Variants in MGLL observed in about 807,000 individuals in gnomAD.
MGLL encodes the protein monoglyceride lipase, also known as lysophospholipase homolog.
In MGLL, 7 loss-of-function variants were observed where a neutral mutation model predicts 29.1. The observed-to-expected ratio is 0.24, with a 90% CI of 0.14 to 0.45. MGLL has a LOEUF of 0.45. MGLL is among the 20% of genes least tolerant of loss of function. MGLL has a pLI of 0.99. For missense variants in MGLL, 356 were observed against 413.6 expected, an observed-to-expected ratio of 0.86 and a Z score of 1.21; for synonymous variants, 148 against 168.3, an observed-to-expected ratio of 0.88 and a Z score of 0.93.
intron 3 of MGLL, among the ~76,000 whole-genome samples, chr3:127,760,532 C>A (rs942938170): frequency 2.6e-5 from 4 of 152,222 alleles, no homozygotes; most frequent in Non-Finnish European, 4.4e-5. Context: ...TCTAGCAGAG[C>A]CTTGGCAGGA....
chr3:127,810,986 C>T (rs1296023155), intron 2 of MGLL, among the ~76,000 whole-genome samples: 1 of 149,326 alleles, frequency 6.7e-6, no homozygotes, highest in Non-Finnish European at 1.5e-5. Flanking sequence ...GGTGAAAGTA[C>T]AGCCATCCAG....
intron 2 of MGLL, among the ~76,000 whole-genome samples, chr3:127,811,943 C>T (rs1036054030): frequency 3.3e-5 from 5 of 152,236 alleles, no homozygotes; most frequent in East Asian, 1.9e-4. Flanking sequence ...GCACTAATTG[C>T]GAACCCACAG....
chr3:127,740,805 G>A (rs145753464), intron 3 of MGLL, among the ~76,000 whole-genome samples: 20 of 152,376 alleles, frequency 1.3e-4, no homozygotes, highest in African/African-American at 2.6e-4. Flanking sequence ...CGTAGTGTGG[G>A]GACCTCCCAG....
At chr3:127,732,176 GC>G (rs1388309836) in intron 3 of MGLL, among the ~76,000 whole-genome samples, 2 of 152,186 alleles carry the variant, frequency 1.3e-5, no homozygotes, top group African/African-American at 4.8e-5. Context: ...ATAAAAAATA[GC>G]TTTGCGTAAG....
intron 2 of MGLL, among the ~76,000 whole-genome samples, chr3:127,797,095 G>T (rs1379758272): frequency 6.6e-6 from 1 of 152,136 alleles, no homozygotes; most frequent in East Asian, 1.9e-4. Flanking sequence ...GGAGAAGCCT[G>T]TGATGCTGTG....
chr3:127,726,338 A>G lies in MGLL; in HGVS notation c.263-3772T>C, dbSNP rs76009081. On this transcript the variant is annotated intron_variant, in intron 3 of 7. Transcript: ENST00000265052. ...AAAGAAAGAGAAAGAAAGAAAGAGG[A>G]AAGAAAGAAAGAAGGAAAAGAATGA... 0.018 allele frequency among the ~76,000 whole-genome samples: 2,700 copies of G among 151,742 alleles called. 195 individuals are homozygous for G. The East Asian group carries it at 0.26, about 15-fold the overall frequency.
At chr3:127,776,557 C>T (rs2077040045) in intron 3 of MGLL, among the ~76,000 whole-genome samples, 1 of 152,210 alleles carries the variant, frequency 6.6e-6, no homozygotes, top group Non-Finnish European at 1.5e-5. Flanking sequence ...TGAGGATGCC[C>T]TGAGCCTGGA....
At chr3:127,710,827 C>T in intron 5 of MGLL, 162 bp from the exon 6 acceptor site, 1 of 697,324 alleles carries the variant, frequency 1.4e-6, no homozygotes, top group Non-Finnish European at 2.6e-6. Context: ...TGCCCAAGGA[C>T]TCTCCCTTCT....
At chr3:127,767,595 T>A (rs1278587508) in intron 3 of MGLL, among the ~76,000 whole-genome samples, 2 of 152,232 alleles carry the variant, frequency 1.3e-5, no homozygotes, top group African/African-American at 4.8e-5. Context: ...ATGGATTATT[T>A]AAGAAATTAG....
chr3:127,695,096 C>T lies in MGLL; in HGVS notation c.695G>A (p.Arg232His), dbSNP rs759343902. Reference sequence around the variant, plus strand: ...GGGCACAGTCAGCTTGGGGAGGGCGCGCTCCACCCGTGAGACGGCATTCAG... The same window carrying T: ...GGGCACAGTCAGCTTGGGGAGGGCGTGCTCCACCCGTGAGACGGCATTCAG... The part of the protein sequence containing the change: ...QLLNAVSRVE[R>H]ALPKLTVPFL... The change falls in exon 7 of 8, where the codon CGC (arginine) becomes CAC (histidine). Residue 232 changes from arginine to histidine, a missense_variant. Physicochemically the swap from Arg to His is conservative, Grantham distance 29. Transcript: ENST00000265052. 2.4e-5 allele frequency: 38 copies of T among 1,614,026 alleles called. No homozygotes were observed. The highest frequency in any genetic ancestry group is 4.0e-5 in the African/African-American group (3 of 74,928).
At chr3:127,790,819 A>T (rs1362966268) in intron 2 of MGLL, among the ~76,000 whole-genome samples, 1 of 152,088 alleles carries the variant, frequency 6.6e-6, no homozygotes, top group Non-Finnish European at 1.5e-5. Context: ...ACTGAAGTCC[A>T]GCCAGCCTGC....
At chr3:127,788,548 T>A (rs923761960) in intron 2 of MGLL, among the ~76,000 whole-genome samples, 1 of 152,178 alleles carries the variant, frequency 6.6e-6, no homozygotes, top group Non-Finnish European at 1.5e-5. Context: ...TCTGGTCACC[T>A]GTCCCGGCAC....
chr3:127,701,445 G>A (rs923642093), intron 6 of MGLL, among the ~76,000 whole-genome samples: 2 of 152,098 alleles, frequency 1.3e-5, no homozygotes, highest in Admixed American at 6.5e-5. Flanking sequence ...TCCCTGTCAC[G>A]CAGAGATAAG....
At chr3:127,779,856 C>T (rs13077001) in intron 3 of MGLL, among the ~76,000 whole-genome samples, 13,046 of 152,270 alleles carry the variant, frequency 0.086, 728 homozygotes, top group South Asian at 0.15. Context: ...CATCGCCAGC[C>T]TGCACAAGAT....
At chr3:127,787,324 C>T (rs1238313992) in intron 2 of MGLL, among the ~76,000 whole-genome samples, 2 of 152,208 alleles carry the variant, frequency 1.3e-5, no homozygotes, top group African/African-American at 4.8e-5. Context: ...GACTTGCTGG[C>T]CCCCTGACTG....
At position 127,761,217 on chromosome 3, in the gene MGLL, A is replaced by G. The variant is rs112733583; in HGVS notation, c.262+20572T>C. Reference sequence around the variant, plus strand: ...CCCTGTGGCCATCCGGACCCTTCGCACTATCAAGGGGCCCACCGCCTGGGA... The same window carrying G: ...CCCTGTGGCCATCCGGACCCTTCGCGCTATCAAGGGGCCCACCGCCTGGGA... On this transcript the variant is annotated intron_variant, in intron 3 of 7. Coordinates refer to ENST00000265052, the MANE Select transcript of MGLL (RefSeq NM_007283.7). This position sits in a 1 kb window ranked among gnomAD's most constrained non-coding sequence, Gnocchi z 4.6. Among the ~76,000 whole-genome samples the G allele has an allele frequency of 9.2e-3, 1,401 of 152,278 alleles. 21 individuals are homozygous for G. Among genetic ancestry groups the G allele is most frequent in the African/African-American group, 0.032 (1,334 of 41,542 alleles).
intron 3 of MGLL, among the ~76,000 whole-genome samples, chr3:127,726,200 AAG>A (rs2076040829): frequency 7.2e-6 from 1 of 139,076 alleles, no homozygotes; most frequent in African/African-American, 2.5e-5. Flanking sequence ...AAAAGAAAGA[AAG>A]AAAGACAGAA....
chr3:127,754,384 G>T (rs992581733), intron 3 of MGLL, among the ~76,000 whole-genome samples: 2 of 151,968 alleles, frequency 1.3e-5, no homozygotes, highest in Non-Finnish European at 2.9e-5. Context: ...TCTATCAAAA[G>T]CTCCACACAA....
At chr3:127,795,115 G>C (rs183887260) in intron 2 of MGLL, among the ~76,000 whole-genome samples, 325 of 152,304 alleles carry the variant, frequency 2.1e-3, no homozygotes, top group Non-Finnish European at 3.6e-3. Flanking sequence ...CAAAGACATG[G>C]AATCAACCTA....
Sources: allele counts gnomAD v4.1 joint callset (sites outside exome capture counted in the v4.1 genomes callset), GRCh38; gene constraint gnomAD v4.1.1; non-coding constraint Gnocchi (gnomAD v3.1); transcripts MANE v1.5; gene names NCBI Gene and HGNC (gene_info 2026-07-23, HGNC 2026-07-21).